Variants in UBR1 observed in about 807,000 individuals in gnomAD.
UBR1 encodes ubiquitin protein ligase E3 component n-recognin 1, also known as E3 ubiquitin-protein ligase UBR1.
A neutral mutation model predicts 242.1 loss-of-function variants in UBR1; 102 were observed. That is an observed-to-expected ratio of 0.42 (90% confidence interval 0.36 to 0.50). The LOEUF is 0.50. Ranked by LOEUF, UBR1 falls within the 20% of genes least tolerant of loss-of-function variation. The probability of loss-of-function intolerance (pLI) is 0.01; values close to 1 mark genes in which losing one functional copy is unlikely to be tolerated. For synonymous variants in UBR1, 675 were observed against 684.8 expected (o/e 0.99, Z 0.22); for missense variants, 1,772 against 2,101.8 (o/e 0.84, Z 3.07).
chr15:42,978,927 G>A (rs1486755193), intron 37 of UBR1, among the ~76,000 whole-genome samples: 3 of 121,670 alleles, frequency 2.5e-5, no homozygotes, highest in Non-Finnish European at 1.6e-5. Flanking sequence ...ATGGAGTCTC[G>A]CTTTATTGCC....
intron 27 of UBR1, among the ~76,000 whole-genome samples, chr15:43,018,295 C>G (rs1021066814): frequency 6.6e-6 from 1 of 152,156 alleles, no homozygotes; most frequent in Middle Eastern, 3.2e-3. Flanking sequence ...GCCATCGCGC[C>G]CAGCTATCCT....
At chr15:42,965,469 T>C (rs892792027) in intron 41 of UBR1, among the ~76,000 whole-genome samples, 1 of 151,156 alleles carries the variant, frequency 6.6e-6, no homozygotes, top group Non-Finnish European at 1.5e-5. Context: ...ATGTACTTTT[T>C]TTTTTTTTTT....
chr15:42,983,895 A>C lies in UBR1; in HGVS notation c.4150+2T>G. On this transcript the variant is annotated splice_donor_variant, in intron 37 of 46. Coordinates refer to ENST00000290650, the MANE Select transcript of UBR1 (RefSeq NM_174916.3). LOFTEE classifies it high-confidence loss of function. ...ATAATAATAGTTCAGAGAAGACTCT[A>C]CCTGATAGAAGACGAACCAGATGTT... 6.2e-7 allele frequency: 1 copy of C among 1,601,974 alleles called. No individual in the cohort carries two copies. Among genetic ancestry groups the C allele is most frequent in the Non-Finnish European group, 8.5e-7 (1 of 1,169,670 alleles).
intron 39 of UBR1, among the ~76,000 whole-genome samples, chr15:42,972,228 C>T (rs1387378122): frequency 2.0e-5 from 3 of 152,146 alleles, no homozygotes; most frequent in East Asian, 3.8e-4. Flanking sequence ...TTTCACTGAC[C>T]CTATAGTTTT....
intron 6 of UBR1, among the ~76,000 whole-genome samples, chr15:43,064,280 A>G (rs761205960): frequency 6.6e-6 from 1 of 152,222 alleles, no homozygotes; most frequent in Non-Finnish European, 1.5e-5. Flanking sequence ...AAACAGAGGA[A>G]AGCAAACATA....
intron 14 of UBR1, among the ~76,000 whole-genome samples, chr15:43,045,523 GA>G (rs1312129006): frequency 6.6e-6 from 1 of 152,034 alleles, no homozygotes; most frequent in East Asian, 1.9e-4. Flanking sequence ...ATCTAAACAG[GA>G]ATGTCTGGCC....
chr15:43,099,533 T>C (rs2034201612), intron 1 of UBR1, among the ~76,000 whole-genome samples: 1 of 152,186 alleles, frequency 6.6e-6, no homozygotes, highest in Non-Finnish European at 1.5e-5. Context: ...TTGTTAAAAT[T>C]TATCCAAGAA....
At chr15:43,024,760 C>T in intron 25 of UBR1, 69 bp downstream of exon 25, 19 of 1,608,312 alleles carry the variant, frequency 1.2e-5, no homozygotes, top group Non-Finnish European at 1.6e-5. Context: ...GAAGTTAGAC[C>T]TGAGATCTTC....
intron 44 of UBR1, among the ~76,000 whole-genome samples, chr15:42,954,814 C>A (rs1347590192): frequency 6.6e-6 from 1 of 152,060 alleles, no homozygotes; most frequent in Non-Finnish European, 1.5e-5. Context: ...AGTAATCTGC[C>A]CGCCTTGGCT....
chr15:42,991,782 C>T (rs1212916075), intron 33 of UBR1, among the ~76,000 whole-genome samples: 14 of 151,948 alleles, frequency 9.2e-5, no homozygotes, highest in Admixed American at 9.2e-4. Context: ...GCTGTGTTGC[C>T]CAGGCTGGAC....
intron 43 of UBR1, 96 bp downstream of exon 43, chr15:42,960,549 T>C: frequency 8.1e-7 from 1 of 1,238,452 alleles, no homozygotes; most frequent in East Asian, 2.5e-5. Flanking sequence ...TGAGTGAGAA[T>C]GAAGAAAGCA....
chr15:43,083,741 T>A (rs1455888241), intron 2 of UBR1, among the ~76,000 whole-genome samples: 3 of 151,934 alleles, frequency 2.0e-5, no homozygotes, highest in Admixed American at 1.3e-4. Flanking sequence ...TGGGGAATTT[T>A]AAAAAGATTT....
chr15:42,998,408 T>C, intron 32 of UBR1, 143 bp from the exon 33 acceptor site: 2 of 754,056 alleles, frequency 2.7e-6, no homozygotes, highest in Admixed American at 4.8e-5. Flanking sequence ...CAGAAACATG[T>C]GTCTAAAAAT....
intron 3 of UBR1, among the ~76,000 whole-genome samples, chr15:43,078,317 GGATA>G (rs2033931748): frequency 6.6e-6 from 1 of 152,042 alleles, no homozygotes. Flanking sequence ...AAGGAAAAAG[GGATA>G]TAAGGGAAAA....
rs750126541 is a variant in UBR1, at chr15:43,082,650, A to G, written c.405T>C (p.Asn135=). 40 of 1,613,614 alleles carry G rather than the reference A, an allele frequency of 2.5e-5. No individual in the cohort carries two copies. Among genetic ancestry groups the G allele is most frequent in the Middle Eastern group, 1.6e-4 (1 of 6,078 alleles). ...MDCFQDSVHK[N]HRYKMHTSTG... is the part of the protein sequence containing the mutation. ...TATATTTTCTTACCTTGTAACGATG[A>G]TTTTTATGAACACTGTCCTGGAAGC... is the stretch of plus-strand genomic sequence containing the variant. Residue 135 remains asparagine (N), a synonymous_variant, in exon 3 of 47, where the codon AAT becomes AAC. Coordinates refer to ENST00000290650, the MANE Select transcript of UBR1 (RefSeq NM_174916.3).
rs368606031 is a variant in UBR1 at position 43,059,185 on chromosome 15, A to G, written c.993T>C (p.Phe331=). The change falls in exon 9 of 47, where the codon TTT becomes TTC. Residue 331 remains phenylalanine (F), a synonymous_variant. Coordinates refer to ENST00000290650, the MANE Select transcript of UBR1 (RefSeq NM_174916.3). ...MNKIMSYSSD[F]RQIFCQACLR... Reference sequence around the variant, plus strand: ...GGCATGCTTGGCAAAAGATCTGCCTAAAGTCACCTACAAACAAAAGAGGTC... The same window carrying G: ...GGCATGCTTGGCAAAAGATCTGCCTGAAGTCACCTACAAACAAAAGAGGTC... The G allele has an allele frequency of 1.9e-6, 3 of 1,613,746 alleles. No individual in the cohort carries two copies. Among genetic ancestry groups the G allele is most frequent in the African/African-American group, 1.3e-5 (1 of 74,926 alleles).
intron 3 of UBR1, among the ~76,000 whole-genome samples, chr15:43,079,892 A>G (rs2033956460): frequency 6.6e-6 from 1 of 152,266 alleles, no homozygotes; most frequent in Admixed American, 6.5e-5. Flanking sequence ...CAGTAACAAC[A>G]TATGAAACAA....
intron 1 of UBR1, among the ~76,000 whole-genome samples, chr15:43,099,858 T>C (rs578016747): frequency 8.6e-5 from 13 of 150,968 alleles, no homozygotes; most frequent in Admixed American, 5.9e-4. Flanking sequence ...AAGGGTGCTA[T>C]AGGAACACAC....
intron 40 of UBR1, among the ~76,000 whole-genome samples, chr15:42,967,413 CTTTTT>C (rs745399720): frequency 9.9e-4 from 135 of 136,080 alleles, no homozygotes; most frequent in African/African-American, 3.4e-3. Context: ...CTAAAGCTTC[CTTTTT>C]TTTTTTTTTG....
Sources: gnomAD v4.1 joint callset for allele counts (sites outside exome capture counted in the v4.1 genomes callset) on GRCh38, gnomAD v4.1.1 for gene constraint, MANE v1.5 for transcripts, NCBI Gene and HGNC (gene_info 2026-07-23, HGNC 2026-07-21) for gene names.